TENM2: variants seen among roughly 807,000 people sequenced by gnomAD.
TENM2 encodes teneurin transmembrane protein 2, also known as teneurin-2.
TENM2 carries 52 observed loss-of-function variants against 245.2 expected under a neutral mutation model. The ratio of observed to expected loss-of-function variants is 0.21; its 90% CI spans 0.17 to 0.27. TENM2 has a LOEUF of 0.27. TENM2 is among the 10% of genes least tolerant of loss of function. The pLI, the probability that TENM2 is intolerant of heterozygous loss-of-function variation, is 1.00. For synonymous variants in TENM2, 1,363 were observed against 1,438.9 expected (o/e 0.95, Z 1.19); for missense variants, 3,046 against 3,666.8 (o/e 0.83, Z 4.37).
intron 9 of TENM2, among the ~76,000 whole-genome samples, chr5:168,103,185 A>G (rs996402134): frequency 2.6e-5 from 4 of 152,124 alleles, no homozygotes; most frequent in Admixed American, 1.3e-4. Flanking sequence ...TCCAGCTTTA[A>G]CCAATCCTCC....
At chr5:167,357,448 A>G (rs1759417929) in intron 1 of TENM2, among the ~76,000 whole-genome samples, 2 of 151,606 alleles carry the variant, frequency 1.3e-5, no homozygotes, top group South Asian at 4.2e-4. Flanking sequence ...ACACCTGGCT[A>G]ATTTTTGTAT....
chr5:167,839,610 G>A (rs531544536), intron 2 of TENM2, among the ~76,000 whole-genome samples: 2 of 151,958 alleles, frequency 1.3e-5, no homozygotes, highest in Non-Finnish European at 2.9e-5. Flanking sequence ...AGACCAAAAT[G>A]TAAAGTGAAT....
intron 2 of TENM2, among the ~76,000 whole-genome samples, chr5:167,459,417 T>C (rs2127489557): frequency 6.6e-6 from 1 of 152,338 alleles, no homozygotes; most frequent in Non-Finnish European, 1.5e-5. Context: ...GAGTTGCTTC[T>C]TTCTACCTCT....
At chr5:167,670,485 C>A (rs75037649) in intron 2 of TENM2, among the ~76,000 whole-genome samples, 2 of 139,494 alleles carry the variant, frequency 1.4e-5, no homozygotes, top group South Asian at 4.9e-4. Flanking sequence ...TTCTCTCCCC[C>A]TCTCTCTCAT....
chr5:167,902,490 C>A lies in TENM2; in HGVS notation c.712+26295C>A, dbSNP rs568022346. On this transcript the variant is annotated intron_variant, in intron 3 of 28. Transcript: ENST00000518659. ...CCTCGGCCCCTAGCTTCTGCCTCCGCGACACAGATAACATAACTCACTTCC... is the reference window on the plus strand; with the variant it reads ...CCTCGGCCCCTAGCTTCTGCCTCCGAGACACAGATAACATAACTCACTTCC... 4.6e-5 allele frequency among the ~76,000 whole-genome samples: 7 copies of A among 152,226 alleles called. No individual in the cohort carries two copies. The East Asian group carries it at 9.7e-4, about 21-fold the overall frequency.
At chr5:167,159,897 T>C in the TENM2 span, among the ~76,000 whole-genome samples, 1 of 152,034 alleles carries the variant, frequency 6.6e-6, no homozygotes, top group Non-Finnish European at 1.5e-5. Context: ...TTTCTGCAAT[T>C]ATTTACAGTG....
At chr5:167,438,680 A>G (rs1764713114) in intron 2 of TENM2, among the ~76,000 whole-genome samples, 1 of 152,204 alleles carries the variant, frequency 6.6e-6, no homozygotes, top group East Asian at 1.9e-4. Flanking sequence ...TATAGGCATG[A>G]GCCACCGCAT....
Position 167,894,223 on chromosome 5 carries a change from G to GA in TENM2, c.712+18034dup, listed in dbSNP as rs566756243. Among the ~76,000 whole-genome samples the GA allele has an allele frequency of 1.3e-3, 195 of 152,204 alleles. 4 individuals are homozygous for GA. The highest frequency in any genetic ancestry group is 0.011 in the Admixed American group (170 of 15,288). ...GATGGATGGATAGATGATGAATGGA[G>GA]AAAAAATACTTCCCTCTTTTGGTCT... is the stretch of plus-strand genomic sequence containing the variant. On this transcript the variant is annotated intron_variant, in intron 3 of 28. Coordinates refer to ENST00000518659, the Ensembl canonical transcript of TENM2.
chr5:167,532,727 C>T lies in TENM2; in HGVS notation c.502+157254C>T, dbSNP rs538063155. On this transcript the variant is annotated intron_variant, in intron 2 of 28. Transcript: ENST00000518659. ...ATATCTATATATGTATATATACACA[C>T]ACATATATACACACACCCATATATA... 7.3e-5 allele frequency among the ~76,000 whole-genome samples: 11 copies of T among 151,162 alleles called. No homozygotes were observed. In the East Asian group the frequency reaches 9.8e-4, roughly 13 times the overall value.
At chr5:167,295,090 T>C (rs1253116306) in intron 1 of TENM2, among the ~76,000 whole-genome samples, 1 of 152,224 alleles carries the variant, frequency 6.6e-6, no homozygotes, top group African/African-American at 2.4e-5. Flanking sequence ...CAAAGGGCTC[T>C]GCAGTTTTGT....
chr5:167,251,759 G>A, the TENM2 span, among the ~76,000 whole-genome samples: 2 of 152,254 alleles, frequency 1.3e-5, no homozygotes, highest in African/African-American at 4.8e-5. Flanking sequence ...TTGGACTTCT[G>A]TTTGGTGAGG....
intron 2 of TENM2, among the ~76,000 whole-genome samples, chr5:167,520,432 G>C (rs1457353661): frequency 6.6e-6 from 1 of 152,052 alleles, no homozygotes; most frequent in African/African-American, 2.4e-5. Context: ...TCTTCCTCTT[G>C]CTTGCCAGAA....
the TENM2 span, among the ~76,000 whole-genome samples, chr5:167,246,290 C>CA: frequency 1.3e-5 from 2 of 152,052 alleles, no homozygotes; most frequent in Non-Finnish European, 2.9e-5. Flanking sequence ...TGGGCTACCG[C>CA]ATTTATGTAT....
At chr5:167,581,454 G>T (rs538819675) in intron 2 of TENM2, among the ~76,000 whole-genome samples, 2 of 152,268 alleles carry the variant, frequency 1.3e-5, no homozygotes, top group South Asian at 4.1e-4. Context: ...TTTTAAATGA[G>T]AATTTAAGCA....
At chr5:167,567,206 C>T (rs567836558) in intron 2 of TENM2, among the ~76,000 whole-genome samples, 36 of 152,158 alleles carry the variant, frequency 2.4e-4, no homozygotes, top group Non-Finnish European at 4.9e-4. Flanking sequence ...TTTGAAACTT[C>T]AAAGGTTATG....
chr5:167,435,153 T>TG (rs71591180), intron 2 of TENM2, among the ~76,000 whole-genome samples: 253 of 152,060 alleles, frequency 1.7e-3, no homozygotes, highest in African/African-American at 5.7e-3. Flanking sequence ...AGTAGTTTCA[T>TG]GGGGGGGAAA....
chr5:167,027,082 TCA>T, the TENM2 span, among the ~76,000 whole-genome samples: 1 of 152,202 alleles, frequency 6.6e-6, no homozygotes, highest in African/African-American at 2.4e-5. Flanking sequence ...AAGAGACTCT[TCA>T]AGGACTTATG....
chr5:168,173,213 C>A (rs7707882), intron 13 of TENM2, among the ~76,000 whole-genome samples: 33,245 of 151,988 alleles, frequency 0.22, 4,938 homozygotes, highest in East Asian at 0.56. Context: ...AAAGGCTAAA[C>A]TATAGAGTCC....
chr5:168,006,345 A>G (rs1194523042), intron 5 of TENM2, among the ~76,000 whole-genome samples: 2 of 152,212 alleles, frequency 1.3e-5, no homozygotes, highest in Non-Finnish European at 2.9e-5. Context: ...CTGAGGTTCT[A>G]GGGCGCGAGG....
Sources: gnomAD v4.1 joint callset for allele counts (sites outside exome capture counted in the v4.1 genomes callset) on GRCh38, gnomAD v4.1.1 for gene constraint, MANE v1.5 for transcripts, NCBI Gene and HGNC (gene_info 2026-07-23, HGNC 2026-07-21) for gene names.